Variants in CENPK observed in about 807,000 individuals in gnomAD.
CENPK encodes SoxLZ/Sox6-binding protein Solt.
In CENPK, 46 loss-of-function variants were observed where a neutral mutation model predicts 40.9. That is an observed-to-expected ratio of 1.13 (90% CI 0.89 to 1.44). The LOEUF is 1.44. Among genes scored for constraint, CENPK ranks in the 40% most tolerant of loss-of-function variants. The pLI is 0.00. For missense variants in CENPK, 288 were observed against 303.5 expected (o/e 0.95, Z 0.38); for synonymous variants, 107 against 104.4 (o/e 1.02, Z -0.15).
intron 9 of CENPK, among the ~76,000 whole-genome samples, chr5:65,524,221 C>CAA (rs35248965): frequency 2.1e-4 from 30 of 140,904 alleles, no homozygotes; most frequent in South Asian, 9.1e-4. Context: ...TAAAAGCATA[C>CAA]AAAAAAAAAA....
At chr5:65,511,828 A>G in the CENPK span, among the ~76,000 whole-genome samples, 1 of 152,188 alleles carries the variant, frequency 6.6e-6, no homozygotes, top group Admixed American at 6.5e-5. Context: ...CTCTGGGTCC[A>G]TGGAAAAATT....
At chr5:65,543,458 C>A (rs758981121) in intron 5 of CENPK, among the ~76,000 whole-genome samples, 1 of 152,116 alleles carries the variant, frequency 6.6e-6, no homozygotes, top group East Asian at 1.9e-4. Flanking sequence ...ATGTAACATA[C>A]ATTTACATAC....
At chr5:65,513,896 G>C (rs1742673290), downstream of CENPK, among the ~76,000 whole-genome samples, 1 of 152,076 alleles carries the variant, frequency 6.6e-6, no homozygotes, top group African/African-American at 2.4e-5. Flanking sequence ...ATTCCTAGCT[G>C]GCTGAGAGGT....
intron 6 of CENPK, chr5:65,541,246 AT>A (rs1747923223): frequency 2.7e-6 from 1 of 375,416 alleles, no homozygotes; most frequent in Non-Finnish European, 5.5e-6. Context: ...GAAACCCCTG[AT>A]TTATAGCCAG....
At chr5:65,549,190 A>G (rs931337035) in intron 5 of CENPK, among the ~76,000 whole-genome samples, 5 of 152,168 alleles carry the variant, frequency 3.3e-5, no homozygotes, top group African/African-American at 9.7e-5. Flanking sequence ...GGGGAGCAGT[A>G]ATATTTTGAA....
chr5:65,558,164 A>G (rs895360075), intron 2 of CENPK, among the ~76,000 whole-genome samples: 23 of 151,982 alleles, frequency 1.5e-4, no homozygotes, highest in African/African-American at 5.6e-4. Flanking sequence ...ACACACACAC[A>G]CATTTTTTTT....
At chr5:65,522,607 G>A (rs868524598) in intron 9 of CENPK, among the ~76,000 whole-genome samples, 6 of 151,956 alleles carry the variant, frequency 3.9e-5, no homozygotes, top group African/African-American at 1.5e-4. Flanking sequence ...TTATTTGTTT[G>A]TTTTGTAGAG....
At chr5:65,504,039 C>T in the CENPK span, among the ~76,000 whole-genome samples, 1 of 151,982 alleles carries the variant, frequency 6.6e-6, no homozygotes, top group African/African-American at 2.4e-5. Flanking sequence ...GCAAACACAA[C>T]CCTTTGCTTG....
At chr5:65,537,595 C>T (rs752694527) in intron 6 of CENPK, among the ~76,000 whole-genome samples, 19 of 152,184 alleles carry the variant, frequency 1.2e-4, no homozygotes, top group Non-Finnish European at 2.1e-4. Context: ...CCACCACGCC[C>T]GGCCGGTGAA....
At chr5:65,536,885 G>T (rs992757179) in intron 6 of CENPK, among the ~76,000 whole-genome samples, 1 of 152,128 alleles carries the variant, frequency 6.6e-6, no homozygotes, top group Non-Finnish European at 1.5e-5. Flanking sequence ...GTGTTAAGAG[G>T]TAGGGTCTTT....
intron 9 of CENPK, among the ~76,000 whole-genome samples, chr5:65,522,746 T>G (rs1744016887): frequency 6.6e-6 from 1 of 152,196 alleles, no homozygotes; most frequent in Admixed American, 6.5e-5. Context: ...ACTTTTCATA[T>G]GGCATAAATT....
At chr5:65,531,543 C>T (rs753209809) in intron 6 of CENPK, among the ~76,000 whole-genome samples, 4 of 148,740 alleles carry the variant, frequency 2.7e-5, no homozygotes, top group South Asian at 2.1e-4. Flanking sequence ...CTCGCTCTGT[C>T]GTTAGGCTGG....
At chr5:65,508,550 T>C in the CENPK span, among the ~76,000 whole-genome samples, 6 of 152,260 alleles carry the variant, frequency 3.9e-5, no homozygotes, top group Middle Eastern at 3.4e-3. Context: ...TTTGAGAGGC[T>C]GAGGCGGGTG....
chr5:65,542,466 G>A (rs772658885), intron 6 of CENPK, among the ~76,000 whole-genome samples: 7 of 151,930 alleles, frequency 4.6e-5, no homozygotes, highest in African/African-American at 9.7e-5. Context: ...CTGAAATCCC[G>A]TCTCTACTAA....
intron 2 of CENPK, 198 bp from the exon 3 acceptor site, chr5:65,555,144 T>C (rs1750767977): frequency 1.0e-5 from 3 of 289,788 alleles, no homozygotes; most frequent in Non-Finnish European, 1.9e-5. Flanking sequence ...TATCAAATGA[T>C]TTATAAGTGC....
intron 6 of CENPK, among the ~76,000 whole-genome samples, chr5:65,537,435 G>C (rs973652218): frequency 1.4e-4 from 22 of 152,066 alleles, no homozygotes; most frequent in African/African-American, 4.8e-4. Flanking sequence ...CTCCCAAGTA[G>C]GTGGGACTAC....
At position 65,554,952 on chromosome 5, in the gene CENPK, G is replaced by A. The variant is rs1453029569; in HGVS notation, c.-39-6C>T. 6.3e-6 allele frequency: 7 copies of A among 1,116,446 alleles called. No individual in the cohort carries two copies. The highest frequency in any genetic ancestry group is 5.5e-5 in the Admixed American group (3 of 54,226). 69.2% of individuals were successfully genotyped at this position (1,116,446 alleles called of 1,614,324 possible). ...TTTTAGCCTTATAAGAAAAACTAAA[G>A]CAAAAAATATTTATTCATTCAGCAG... On this transcript the variant is annotated splice_region_variant and splice_polypyrimidine_tract_variant and intron_variant, in intron 2 of 10. Coordinates refer to ENST00000396679, the MANE Select transcript of CENPK (RefSeq NM_022145.5).
chr5:65,548,957 C>G (rs1269967578), intron 5 of CENPK, among the ~76,000 whole-genome samples: 1 of 152,148 alleles, frequency 6.6e-6, no homozygotes, highest in Non-Finnish European at 1.5e-5. Flanking sequence ...TTCTTAATGG[C>G]ATCTAGAATG....
chr5:65,558,858 G>A (rs1299612525), intron 2 of CENPK, among the ~76,000 whole-genome samples: 1 of 152,180 alleles, frequency 6.6e-6, no homozygotes, highest in Non-Finnish European at 1.5e-5. Flanking sequence ...TCATCTATAA[G>A]GATATTAAAA....
Sources: gnomAD v4.1 joint callset for allele counts (sites outside exome capture counted in the v4.1 genomes callset) on GRCh38, gnomAD v4.1.1 for gene constraint, MANE v1.5 for transcripts, NCBI Gene and HGNC (gene_info 2026-07-23, HGNC 2026-07-21) for gene names.